The following LRMDA variants were observed in gnomAD, a reference collection of about 807,000 sequenced individuals.
LRMDA encodes the protein leucine-rich melanocyte differentiation-associated protein.
LRMDA carries 18 observed loss-of-function variants against 29.8 expected under a neutral mutation model. The ratio of observed to expected loss-of-function variants is 0.60; its 90% CI spans 0.42 to 0.90. LRMDA has a LOEUF of 0.90. Ranked by LOEUF, LRMDA falls within the 40% of genes least tolerant of loss-of-function variation. LRMDA has a pLI of 0.00. For missense variants in LRMDA, 273 were observed against 273.9 expected, an observed-to-expected ratio of 1.00 and a Z score of 0.02; for synonymous variants, 125 against 109.4, an observed-to-expected ratio of 1.14 and a Z score of -0.89.
chr10:75,446,836 T>C (rs1254156886), intron 2 of LRMDA, among the ~76,000 whole-genome samples: 1 of 152,248 alleles, frequency 6.6e-6, no homozygotes, highest in Non-Finnish European at 1.5e-5. Flanking sequence ...CCAGTGGGAT[T>C]GGGGAGAGAA....
intron 2 of LRMDA, among the ~76,000 whole-genome samples, chr10:75,567,913 T>C (rs1840393004): frequency 6.6e-6 from 1 of 152,206 alleles, no homozygotes; most frequent in Admixed American, 6.5e-5. Context: ...GAAAACATGG[T>C]TGTATTTGGT....
At chr10:76,152,478 C>T (rs146370573) in intron 5 of LRMDA, among the ~76,000 whole-genome samples, 7 of 152,132 alleles carry the variant, frequency 4.6e-5, no homozygotes, top group African/African-American at 1.7e-4. Context: ...ATGAATAATG[C>T]TGCTATTAAT....
At chr10:76,367,088 T>A (rs1031925903) in intron 6 of LRMDA, among the ~76,000 whole-genome samples, 1 of 152,214 alleles carries the variant, frequency 6.6e-6, no homozygotes, top group Non-Finnish European at 1.5e-5. Flanking sequence ...CATCCCTGCA[T>A]CCCTGGTATG....
chr10:76,390,087 A>G (rs1481570191), intron 6 of LRMDA, among the ~76,000 whole-genome samples: 1 of 152,212 alleles, frequency 6.6e-6, no homozygotes, highest in Non-Finnish European at 1.5e-5. Flanking sequence ...TAGCAGCTGT[A>G]CCATTTTACA....
chr10:75,627,671 C>G (rs1841268168), intron 2 of LRMDA, among the ~76,000 whole-genome samples: 1 of 152,190 alleles, frequency 6.6e-6, no homozygotes, highest in Non-Finnish European at 1.5e-5. Context: ...TACCACGATG[C>G]TTGGATCTCA....
intron 6 of LRMDA, among the ~76,000 whole-genome samples, chr10:76,533,550 A>G (rs943976481): frequency 6.6e-6 from 1 of 152,178 alleles, no homozygotes; most frequent in Non-Finnish European, 1.5e-5. Context: ...CATTGCTTTA[A>G]TTAATTAACG....
intron 6 of LRMDA, among the ~76,000 whole-genome samples, chr10:76,521,300 AT>A (rs983131483): frequency 6.6e-6 from 1 of 151,796 alleles, no homozygotes; most frequent in Admixed American, 6.6e-5. Context: ...CGCCCGGCTA[AT>A]TTTTTTGTAT....
intron 6 of LRMDA, among the ~76,000 whole-genome samples, chr10:76,345,863 A>G (rs1841102552): frequency 1.3e-5 from 2 of 152,210 alleles, no homozygotes; most frequent in Non-Finnish European, 1.5e-5. Context: ...TACAAAAATT[A>G]TATGTCTGTC....
intron 6 of LRMDA, among the ~76,000 whole-genome samples, chr10:76,351,575 G>A (rs1398951792): frequency 2.0e-5 from 3 of 151,900 alleles, no homozygotes; most frequent in Admixed American, 1.3e-4. Flanking sequence ...ACCAATATTA[G>A]CAGATTTGCT....
chr10:75,809,697 G>A (rs1564573859), intron 2 of LRMDA, among the ~76,000 whole-genome samples: 1 of 152,112 alleles, frequency 6.6e-6, no homozygotes, highest in Non-Finnish European at 1.5e-5. Flanking sequence ...GGCACTTCAT[G>A]TTCCAGTGGG....
At chr10:76,093,564 C>T (rs1210275321) in intron 5 of LRMDA, among the ~76,000 whole-genome samples, 2 of 152,130 alleles carry the variant, frequency 1.3e-5, no homozygotes, top group African/African-American at 4.8e-5. Context: ...CTCTTCCATT[C>T]TCCTTTCCTT....
At chr10:75,551,040 C>CT (rs527944838) in intron 2 of LRMDA, among the ~76,000 whole-genome samples, 16 of 146,312 alleles carry the variant, frequency 1.1e-4, no homozygotes, top group South Asian at 4.3e-4. Context: ...CAGCAATTAT[C>CT]TTTTTTTTTT....
chr10:76,013,168 T>G lies in LRMDA; in HGVS notation c.132-22840T>G, dbSNP rs1248059121. Among the ~76,000 whole-genome samples the G allele has an allele frequency of 3.3e-5, 5 of 152,280 alleles. No individual in the cohort carries two copies. The East Asian group carries it at 9.6e-4, about 29-fold the overall frequency. Reference sequence around the variant, plus strand: ...TAGGCTCGCATTTTAATCTGTTGGCTATAAAAAGGAGTGAGGGGGGTGGTA... The same window carrying G: ...TAGGCTCGCATTTTAATCTGTTGGCGATAAAAAGGAGTGAGGGGGGTGGTA... On this transcript the variant is annotated intron_variant, in intron 2 of 6. Transcript: ENST00000611255.
rs2132402444 is a variant in LRMDA, at chr10:76,557,870, C to T, written c.*582C>T. 6.6e-6 allele frequency: 1 copy of T among 152,532 alleles called. No individual in the cohort carries two copies. The highest frequency in any genetic ancestry group is 2.1e-4 in the South Asian group (1 of 4,836). 9.4% of individuals were successfully genotyped at this position (152,532 alleles called of 1,614,324 possible). Reference sequence around the variant, plus strand: ...CCTTCCTTTAGCATCGATTTTATGACAGGTGGTGCATTTCAGTTTGCAGTT... The same window carrying T: ...CCTTCCTTTAGCATCGATTTTATGATAGGTGGTGCATTTCAGTTTGCAGTT... On this transcript the variant is annotated 3_prime_UTR_variant, in exon 7 of 7. Coordinates refer to ENST00000611255, the MANE Select transcript of LRMDA (RefSeq NM_001305581.2).
rs955778780 is a variant in LRMDA at position 76,029,981 on chromosome 10, G to A, written c.132-6027G>A. On this transcript the variant is annotated intron_variant, in intron 2 of 6. Transcript: ENST00000611255. The stretch of plus-strand genomic sequence containing the variant: ...CATGACTGTAGCTCACTGTAGCCTG[G>A]CCCTCCTGGGCTCAAGCGATTCTCT... 1.1e-4 allele frequency among the ~76,000 whole-genome samples: 16 copies of A among 152,056 alleles called. No individual in the cohort carries two copies. The East Asian group carries it at 2.1e-3, about 20-fold the overall frequency.
At chr10:76,459,466 T>C (rs1049551749) in intron 6 of LRMDA, among the ~76,000 whole-genome samples, 4 of 152,176 alleles carry the variant, frequency 2.6e-5, no homozygotes, top group African/African-American at 7.2e-5. Flanking sequence ...AAGCCCAGGA[T>C]TTTGCCCTCT....
At chr10:75,595,999 C>T (rs1469829612) in intron 2 of LRMDA, among the ~76,000 whole-genome samples, 1 of 152,008 alleles carries the variant, frequency 6.6e-6, no homozygotes, top group Non-Finnish European at 1.5e-5. Flanking sequence ...TGATGATCTG[C>T]TTTTTTTCGC....
intron 6 of LRMDA, among the ~76,000 whole-genome samples, chr10:76,541,443 G>A (rs147559943): frequency 0.015 from 2,312 of 152,298 alleles, 22 homozygotes; most frequent in Middle Eastern, 0.038. Flanking sequence ...GGAGGCTGCA[G>A]TGAGCCCAGA....
At chr10:76,495,754 C>A (rs1417847198) in intron 6 of LRMDA, among the ~76,000 whole-genome samples, 2 of 151,650 alleles carry the variant, frequency 1.3e-5, no homozygotes, top group Admixed American at 6.6e-5. Flanking sequence ...CTAAGTATTT[C>A]ATGTATTTGG....
Sources: gnomAD v4.1 joint callset for allele counts (sites outside exome capture counted in the v4.1 genomes callset) on GRCh38, gnomAD v4.1.1 for gene constraint, MANE v1.5 for transcripts, NCBI Gene and HGNC (gene_info 2026-07-23, HGNC 2026-07-21) for gene names.